The following SHISA6 variants were observed in gnomAD, a reference collection of about 807,000 sequenced individuals.
SHISA6 encodes the protein shisa family member 6.
Under a neutral mutation model 47.9 loss-of-function variants are expected in SHISA6, and 22 were observed. The observed-to-expected ratio is 0.46, with a 90% CI of 0.33 to 0.66. The LOEUF (loss-of-function observed/expected upper bound fraction) is 0.66. Among genes scored for constraint, SHISA6 ranks in the 30% least tolerant of loss-of-function variants. SHISA6 has a pLI of 0.02. For missense variants in SHISA6, 680 were observed against 764.6 expected (o/e 0.89, Z 1.30); for synonymous variants, 388 against 337.8 (o/e 1.15, Z -1.63).
chr17:11,369,665 TC>T (rs1160355674), intron 2 of SHISA6, among the ~76,000 whole-genome samples: 1 of 152,176 alleles, frequency 6.6e-6, no homozygotes, highest in Non-Finnish European at 1.5e-5. Flanking sequence ...GAGTTGTTCC[TC>T]CCTGCAGAGC....
At chr17:11,383,408 C>T (rs1292518406) in intron 3 of SHISA6, among the ~76,000 whole-genome samples, 1 of 152,134 alleles carries the variant, frequency 6.6e-6, no homozygotes, top group Non-Finnish European at 1.5e-5. Flanking sequence ...CAAAGGAAGC[C>T]TGCAATAAAC....
chr17:11,263,633 A>C, intron 2 of SHISA6, 107 bp downstream of exon 2: 2 of 1,365,258 alleles, frequency 1.5e-6, no homozygotes, highest in Non-Finnish European at 2.0e-6. Flanking sequence ...GTGATGAGGG[A>C]CTCTCATGGA....
At chr17:11,470,125 T>G (rs1915902189) in intron 3 of SHISA6, among the ~76,000 whole-genome samples, 1 of 152,164 alleles carries the variant, frequency 6.6e-6, no homozygotes, top group Non-Finnish European at 1.5e-5. Flanking sequence ...CACGTTGATC[T>G]GAAACTTCCA....
intron 3 of SHISA6, among the ~76,000 whole-genome samples, chr17:11,516,654 T>C (rs1299453658): frequency 6.6e-6 from 1 of 152,108 alleles, no homozygotes; most frequent in Non-Finnish European, 1.5e-5. Context: ...CCCTGAATGT[T>C]TGAAACTCTG....
chr17:11,472,755 C>T (rs1915963348), intron 3 of SHISA6, among the ~76,000 whole-genome samples: 1 of 152,200 alleles, frequency 6.6e-6, no homozygotes, highest in African/African-American at 2.4e-5. Flanking sequence ...ACCAAACTCT[C>T]TCCCAAAGTG....
intron 2 of SHISA6, among the ~76,000 whole-genome samples, chr17:11,310,615 A>G (rs1910288341): frequency 6.6e-6 from 1 of 152,152 alleles, no homozygotes; most frequent in Non-Finnish European, 1.5e-5. Context: ...TTTATTCTAA[A>G]TGAGATGGGA....
chr17:11,457,963 T>C (rs1389165297), intron 3 of SHISA6, among the ~76,000 whole-genome samples: 1 of 150,740 alleles, frequency 6.6e-6, no homozygotes, highest in Non-Finnish European at 1.5e-5. Flanking sequence ...CGGGTGCCTG[T>C]AGTCCCAGCT....
At chr17:11,526,115 C>CCG (rs965456365) in intron 3 of SHISA6, among the ~76,000 whole-genome samples, 2 of 152,078 alleles carry the variant, frequency 1.3e-5, no homozygotes, top group South Asian at 2.1e-4. Flanking sequence ...AGGGGACCCC[C>CCG]CCCCGCTCTC....
intron 3 of SHISA6, among the ~76,000 whole-genome samples, chr17:11,394,993 C>CT (rs1913518421): frequency 1.8e-5 from 2 of 114,012 alleles, no homozygotes; most frequent in African/African-American, 6.7e-5. Context: ...ATTTTTTTTT[C>CT]TTTTCTTTTT....
chr17:11,484,794 A>G (rs191147028), intron 3 of SHISA6, among the ~76,000 whole-genome samples: 51 of 152,342 alleles, frequency 3.3e-4, no homozygotes, highest in African/African-American at 1.2e-3. Flanking sequence ...TAAAAACTTT[A>G]AAAGCCCAAA....
At chr17:11,396,495 T>C (rs1913576087) in intron 3 of SHISA6, among the ~76,000 whole-genome samples, 1 of 152,176 alleles carries the variant, frequency 6.6e-6, no homozygotes, top group Non-Finnish European at 1.5e-5. Flanking sequence ...ATCCTTTGAG[T>C]GTATACCCAG....
rs571849212 is a variant in SHISA6 at position 11,416,989 on chromosome 17, G to A, written c.895+37480G>A. 1.5e-3 allele frequency among the ~76,000 whole-genome samples: 228 copies of A among 152,146 alleles called. 1 individual carries two copies. The highest frequency in any genetic ancestry group is 3.0e-3 in the Admixed American group (46 of 15,298). On this transcript the variant is annotated intron_variant, in intron 3 of 5. Coordinates refer to ENST00000441885, the MANE Select transcript of SHISA6 (RefSeq NM_207386.4). ...ATTTGAACCCAAAACCATCTGACTC[G>A]AAAGCTCATACTCTATTATTTTAAA...
chr17:11,296,227 T>C (rs568615780), intron 2 of SHISA6, among the ~76,000 whole-genome samples: 1 of 152,166 alleles, frequency 6.6e-6, no homozygotes, highest in South Asian at 2.1e-4. Context: ...CATCTTTACA[T>C]GTTTGAAAGA....
intron 1 of SHISA6, among the ~76,000 whole-genome samples, chr17:11,260,450 T>G (rs1908187607): frequency 1.3e-5 from 2 of 152,018 alleles, no homozygotes; most frequent in Non-Finnish European, 2.9e-5. Flanking sequence ...GCCTGTCGTG[T>G]CCCGAGTCCC....
chr17:11,446,096 G>T (rs1915227656), intron 3 of SHISA6, among the ~76,000 whole-genome samples: 1 of 152,316 alleles, frequency 6.6e-6, no homozygotes. Context: ...AAAGCGCTGG[G>T]ATTACAGGCT....
intron 2 of SHISA6, among the ~76,000 whole-genome samples, chr17:11,357,812 A>G (rs1032222807): frequency 6.6e-6 from 1 of 152,190 alleles, no homozygotes; most frequent in East Asian, 1.9e-4. Flanking sequence ...AGATTGCTAC[A>G]AGTCGAATTA....
intron 2 of SHISA6, among the ~76,000 whole-genome samples, chr17:11,365,350 T>C (rs1912413649): frequency 6.6e-6 from 1 of 152,158 alleles, no homozygotes; most frequent in Non-Finnish European, 1.5e-5. Flanking sequence ...CAATCTTGGC[T>C]CACTGCAACC....
intron 2 of SHISA6, among the ~76,000 whole-genome samples, chr17:11,326,820 C>G (rs1180478687): frequency 6.6e-6 from 1 of 152,204 alleles, no homozygotes; most frequent in Non-Finnish European, 1.5e-5. Context: ...GTCACACTTT[C>G]CTTTCCCAGT....
chr17:11,432,671 A>G (rs1597510525), intron 3 of SHISA6, among the ~76,000 whole-genome samples: 1 of 152,348 alleles, frequency 6.6e-6, no homozygotes, highest in South Asian at 2.1e-4. Context: ...ATGGACAAAT[A>G]AAATATACTA....
Sources: allele counts gnomAD v4.1 joint callset (sites outside exome capture counted in the v4.1 genomes callset), GRCh38; gene constraint gnomAD v4.1.1; transcripts MANE v1.5; gene names NCBI Gene and HGNC (gene_info 2026-07-23, HGNC 2026-07-21).